CENPK: variants seen among roughly 807,000 people sequenced by gnomAD.
CENPK encodes the protein SoxLZ/Sox6-binding protein Solt.
In CENPK, 46 loss-of-function variants were observed where a neutral mutation model predicts 40.9. The observed-to-expected ratio is 1.13, with a 90% CI of 0.89 to 1.44. CENPK has a LOEUF of 1.44. Ranked by LOEUF, CENPK falls within the 40% of genes most tolerant of loss-of-function variation. The probability of loss-of-function intolerance (pLI) is 0.00; values close to 1 mark genes in which losing one functional copy is unlikely to be tolerated. For synonymous variants in CENPK, 107 were observed against 104.4 expected (o/e 1.02, Z -0.15); for missense variants, 288 against 303.5 (o/e 0.95, Z 0.38).
At chr5:65,560,077 GA>G (rs1369170050) in intron 2 of CENPK, among the ~76,000 whole-genome samples, 2 of 151,562 alleles carry the variant, frequency 1.3e-5, no homozygotes, top group African/African-American at 4.8e-5. Context: ...TGAAAACACA[GA>G]AACTTTTAAA....
chr5:65,521,594 T>C (rs771831263), intron 9 of CENPK, 66 bp from the exon 10 acceptor site: 21 of 1,074,152 alleles, frequency 2.0e-5, no homozygotes, highest in Middle Eastern at 4.1e-4. Context: ...AATATTGGAC[T>C]GTTTTTATAA....
At chr5:65,501,917 T>C in the CENPK span, among the ~76,000 whole-genome samples, 3 of 152,190 alleles carry the variant, frequency 2.0e-5, no homozygotes, top group African/African-American at 7.2e-5. Flanking sequence ...AGTTCTGACA[T>C]GGCTTCCTCT....
intron 9 of CENPK, among the ~76,000 whole-genome samples, chr5:65,526,444 C>T (rs930462846): frequency 2.6e-5 from 4 of 152,036 alleles, no homozygotes; most frequent in Non-Finnish European, 4.4e-5. Flanking sequence ...ATAAAAAGAA[C>T]ACAGATAGTA....
intron 5 of CENPK, chr5:65,551,098 C>T: frequency 3.0e-6 from 1 of 331,256 alleles, no homozygotes; most frequent in Non-Finnish European, 5.9e-6. Flanking sequence ...CAAAAACCAA[C>T]CACTAACCAA....
intron 9 of CENPK, among the ~76,000 whole-genome samples, chr5:65,523,172 G>C (rs1744085467): frequency 6.6e-6 from 1 of 152,036 alleles, no homozygotes; most frequent in Non-Finnish European, 1.5e-5. Flanking sequence ...TCTTCAATCT[G>C]TCATCCAACA....
intron 9 of CENPK, among the ~76,000 whole-genome samples, chr5:65,527,574 GCCA>G (rs1744954917): frequency 8.2e-6 from 1 of 121,268 alleles, no homozygotes; most frequent in Non-Finnish European, 1.6e-5. Context: ...ACAATCTTCT[GCCA>G]CTCAATAAAA....
At position 65,518,629 on chromosome 5, in the gene CENPK, A is replaced by G; in HGVS notation, c.656T>C (p.Leu219Pro). 1 of 1,552,954 alleles carries G rather than the reference A, an allele frequency of 6.4e-7. No individual in the cohort carries two copies. Among genetic ancestry groups the G allele is most frequent in the East Asian group, 2.3e-5 (1 of 44,352 alleles). Residue 219 changes from leucine (L) to proline (P), a missense_variant, in exon 11 of 11, where the codon CTT becomes CCT. By Grantham distance (98) the Leu-to-Pro change is moderately conservative (BLOSUM62 -3). Transcript: ENST00000396679. ...LITLHEMLEI[L>P]INRLFDVPHD... is the part of the protein sequence containing the mutation. ...TGGAACATCAAATAATCTATTTATAAGAATCTAGGAGAAAATATCATTCAA... is the reference window on the plus strand; with the variant it reads ...TGGAACATCAAATAATCTATTTATAGGAATCTAGGAGAAAATATCATTCAA...
chr5:65,521,085 TTATATAGAG>T (rs1305483026), intron 10 of CENPK, among the ~76,000 whole-genome samples: 1 of 152,074 alleles, frequency 6.6e-6, no homozygotes, highest in African/African-American at 2.4e-5. Context: ...ATTACGTATT[TTATATAGAG>T]TACAGAGCTA....
intron 6 of CENPK, chr5:65,541,564 A>G: frequency 2.4e-6 from 1 of 410,478 alleles, no homozygotes; most frequent in South Asian, 1.7e-5. Context: ...CCTTAGACAC[A>G]TGTTCTTTCT....
chr5:65,524,560 G>T (rs1744339439), intron 9 of CENPK: 1 of 151,080 alleles, frequency 6.6e-6, no homozygotes, highest in Non-Finnish European at 1.5e-5. Flanking sequence ...CACACCTGTA[G>T]TCCCAAGCTA....
chr5:65,518,534 T>C lies in CENPK; in HGVS notation c.751A>G (p.Ile251Val). The change falls in exon 11 of 11, where the codon ATT becomes GTT. Residue 251 changes from isoleucine to valine, a missense_variant. By Grantham distance (29) the Ile-to-Val change is conservative (BLOSUM62 3). Coordinates refer to ENST00000396679, the MANE Select transcript of CENPK (RefSeq NM_022145.5). Reference protein sequence around the residue: ...PYVELLLRNGIALRHPEDPTR... With the variant: ...PYVELLLRNGVALRHPEDPTR... The stretch of plus-strand genomic sequence containing the variant: ...GGATCTTCTGGATGTCTCAAGGCAA[T>C]TCCATTACGCAGCAGCAGCTCAACA... The C allele has an allele frequency of 1.9e-6, 3 of 1,613,596 alleles. No individual in the cohort carries two copies. The highest frequency in any genetic ancestry group is 2.5e-6 in the Non-Finnish European group (3 of 1,179,808).
chr5:65,559,927 G>A (rs1307036408), intron 2 of CENPK, among the ~76,000 whole-genome samples: 1 of 151,530 alleles, frequency 6.6e-6, no homozygotes, highest in Non-Finnish European at 1.5e-5. Flanking sequence ...GTATATTTTG[G>A]TCCATATAAA....
At position 65,528,493 on chromosome 5, in the gene CENPK, C is replaced by T. The variant is rs773227049; in HGVS notation, c.556G>A (p.Asp186Asn). The T allele has an allele frequency of 1.2e-6, 2 of 1,606,736 alleles. No individual in the cohort carries two copies. The highest frequency in any genetic ancestry group is 1.7e-6 in the Non-Finnish European group (2 of 1,177,940). ...CTTCTATCAGGCAGAGGAAAATGGT[C>T]TTCTAGAAACTCGCCCAAGGTACTC... Reference protein sequence around the residue: ...LLSTLGEFLEDHFPLPDRSVK... With the variant: ...LLSTLGEFLENHFPLPDRSVK... The change falls in exon 9 of 11, where the codon GAC becomes AAC. Residue 186 changes from aspartate (D) to asparagine (N), a missense_variant. Physicochemically the swap from Asp to Asn is conservative, Grantham distance 23 (BLOSUM62 1). Transcript: ENST00000396679.
chr5:65,520,318 G>A (rs1221528729), intron 10 of CENPK, among the ~76,000 whole-genome samples: 1 of 152,086 alleles, frequency 6.6e-6, no homozygotes, highest in African/African-American at 2.4e-5. Flanking sequence ...CTGAGCAGAT[G>A]CTAGTGTCAT....
chr5:65,551,249 C>CAAAAA (rs58442174), intron 5 of CENPK: 93 of 112,162 alleles, frequency 8.3e-4, no homozygotes, highest in Middle Eastern at 3.9e-3. Flanking sequence ...GACCCTGTCT[C>CAAAAA]AAAAAAAAAA....
the CENPK span, among the ~76,000 whole-genome samples, chr5:65,500,274 C>T: frequency 9.7e-6 from 1 of 103,062 alleles, no homozygotes; most frequent in East Asian, 2.4e-4. Flanking sequence ...AACTAGTTTA[C>T]AGTCCCACCA....
At chr5:65,514,459 G>T (rs1441617762), downstream of CENPK, among the ~76,000 whole-genome samples, 1 of 151,492 alleles carries the variant, frequency 6.6e-6, no homozygotes, top group Non-Finnish European at 1.5e-5. Flanking sequence ...TAGAGACGGG[G>T]TTTCACCATA....
At chr5:65,520,383 TAC>T (rs982769717) in intron 10 of CENPK, among the ~76,000 whole-genome samples, 2 of 152,148 alleles carry the variant, frequency 1.3e-5, no homozygotes, top group African/African-American at 4.8e-5. Context: ...TTATAAATTA[TAC>T]AGTCTTAGGT....
intron 4 of CENPK, 70 bp from the exon 5 acceptor site, chr5:65,551,706 A>G: frequency 2.3e-6 from 2 of 881,490 alleles, no homozygotes; most frequent in East Asian, 2.8e-5. Context: ...AAATATAAAC[A>G]TTCTTAATAT....
Sources: allele counts gnomAD v4.1 joint callset (sites outside exome capture counted in the v4.1 genomes callset), GRCh38; gene constraint gnomAD v4.1.1; transcripts MANE v1.5; gene names NCBI Gene and HGNC (gene_info 2026-07-23, HGNC 2026-07-21).